Variants in MDGA2 observed in about 807,000 individuals in gnomAD.
The protein encoded by MDGA2 is MAM domain containing glycosylphosphatidylinositol anchor 2, also known as MAM domain-containing glycosylphosphatidylinositol anchor protein 2.
MDGA2 carries 40 observed loss-of-function variants against 117.8 expected under a neutral mutation model. The observed-to-expected ratio is 0.34, with a 90% CI of 0.26 to 0.44. The LOEUF is 0.44. Ranked by LOEUF, MDGA2 falls within the 20% of genes least tolerant of loss-of-function variation. MDGA2 has a pLI of 1.00. For synonymous variants in MDGA2, 452 were observed against 439.0 expected, an observed-to-expected ratio of 1.03 and a Z score of -0.37; for missense variants, 1,123 against 1,250.6, an observed-to-expected ratio of 0.90 and a Z score of 1.54.
intron 5 of MDGA2, among the ~76,000 whole-genome samples, chr14:47,101,616 G>C (rs1880329786): frequency 1.3e-5 from 2 of 152,182 alleles, no homozygotes; most frequent in Non-Finnish European, 2.9e-5. Flanking sequence ...TGGTGGAATG[G>C]AGGGAGCAGA....
intron 1 of MDGA2, among the ~76,000 whole-genome samples, chr14:47,642,615 T>C (rs994687608): frequency 1.3e-5 from 2 of 151,970 alleles, no homozygotes; most frequent in Non-Finnish European, 2.9e-5. Context: ...TATATAGAAG[T>C]ACTAGAGTCC....
chr14:47,340,288 T>A (rs995351184), intron 1 of MDGA2, among the ~76,000 whole-genome samples: 1 of 152,080 alleles, frequency 6.6e-6, no homozygotes, highest in Non-Finnish European at 1.5e-5. Flanking sequence ...ATAAACCAAT[T>A]TATAAATAGA....
intron 8 of MDGA2, among the ~76,000 whole-genome samples, chr14:47,023,657 G>A (rs1020991860): frequency 6.6e-6 from 1 of 152,168 alleles, no homozygotes; most frequent in Admixed American, 6.5e-5. Flanking sequence ...TGATAATAGA[G>A]AGGAGAGGAA....
chr14:47,138,021 T>G (rs1193512434), intron 4 of MDGA2, among the ~76,000 whole-genome samples: 1 of 152,076 alleles, frequency 6.6e-6, no homozygotes, highest in Non-Finnish European at 1.5e-5. Flanking sequence ...TTATGGAAAA[T>G]TTTGAGCCTT....
intron 1 of MDGA2, among the ~76,000 whole-genome samples, chr14:47,501,292 AAG>A (rs1344407228): frequency 6.6e-6 from 1 of 152,186 alleles, no homozygotes; most frequent in Non-Finnish European, 1.5e-5. Context: ...ATTTCTAAAA[AAG>A]AGGATGAGAT....
chr14:47,182,841 T>G (rs536275106), intron 3 of MDGA2, among the ~76,000 whole-genome samples: 2 of 152,322 alleles, frequency 1.3e-5, no homozygotes, highest in African/African-American at 4.8e-5. Context: ...ACTGCTTTTT[T>G]GGGTTTTTTT....
chr14:47,127,060 G>T (rs1420512314), intron 5 of MDGA2, among the ~76,000 whole-genome samples: 1 of 152,074 alleles, frequency 6.6e-6, no homozygotes. Flanking sequence ...AGTAAAGTAA[G>T]ACTTTTATAA....
rs1038182498 is a variant in MDGA2, at chr14:47,209,758, T to C, written c.595+8263A>G. Among the ~76,000 whole-genome samples the C allele has an allele frequency of 3.9e-5, 6 of 152,114 alleles. No individual in the cohort carries two copies. The South Asian group carries it at 8.3e-4, about 21-fold the overall frequency. ...CTCTTCATCGGTATAATTCAGAAAA[T>C]TGCAAAATCCTGTCTCAAATTTTAT... On this transcript the variant is annotated intron_variant, in intron 3 of 16. Transcript: ENST00000399232.
At chr14:47,550,944 C>G (rs1895568895) in intron 1 of MDGA2, among the ~76,000 whole-genome samples, 1 of 152,112 alleles carries the variant, frequency 6.6e-6, no homozygotes. Flanking sequence ...CAAGTTGCGG[C>G]CACCAGGCTG....
intron 1 of MDGA2, among the ~76,000 whole-genome samples, chr14:47,433,941 G>A (rs1363252060): frequency 6.6e-6 from 1 of 151,864 alleles, no homozygotes; most frequent in Non-Finnish European, 1.5e-5. Context: ...TTAATCATGT[G>A]GTGGACATAT....
chr14:47,289,382 T>C (rs186435768), intron 2 of MDGA2, among the ~76,000 whole-genome samples: 31 of 150,232 alleles, frequency 2.1e-4, no homozygotes, highest in African/African-American at 7.6e-4. Flanking sequence ...TACAGACTCA[T>C]ATACTAGATC....
chr14:47,045,104 G>T (rs957602378), intron 7 of MDGA2, among the ~76,000 whole-genome samples: 2 of 152,110 alleles, frequency 1.3e-5, no homozygotes, highest in African/African-American at 2.4e-5. Flanking sequence ...AGTGTAAGAT[G>T]AAAGAACAAA....
chr14:47,554,275 T>A (rs576562477), intron 1 of MDGA2, among the ~76,000 whole-genome samples: 1 of 152,340 alleles, frequency 6.6e-6, no homozygotes, highest in East Asian at 1.9e-4. Flanking sequence ...AGCAAATATA[T>A]GGATATGAAT....
chr14:47,139,488 A>T (rs1324402404), intron 4 of MDGA2, among the ~76,000 whole-genome samples: 1 of 151,776 alleles, frequency 6.6e-6, no homozygotes, highest in African/African-American at 2.4e-5. Context: ...TTGCCTAGTG[A>T]CCTCTGTGTC....
At chr14:47,035,548 T>C (rs1415848506) in intron 7 of MDGA2, among the ~76,000 whole-genome samples, 1 of 152,130 alleles carries the variant, frequency 6.6e-6, no homozygotes, top group African/African-American at 2.4e-5. Flanking sequence ...AATTGAAAAA[T>C]GGTTAATATA....
rs1481074805 is a variant in MDGA2 at position 47,492,958 on chromosome 14, T to G, written c.280+181559A>C. Among the ~76,000 whole-genome samples the G allele has an allele frequency of 3.3e-5, 5 of 152,146 alleles. No homozygotes were observed. In the East Asian group the frequency reaches 9.6e-4, roughly 29 times the overall value. On this transcript the variant is annotated intron_variant, in intron 1 of 16. Transcript: ENST00000399232. ...TTACATGCATCTAGGGAAATTTTGT[T>G]TCATTTTATTATTTTCTCTAATGCT... is the stretch of plus-strand genomic sequence containing the variant.
Position 47,624,354 on chromosome 14 carries a change from A to C in MDGA2, c.280+50163T>G, listed in dbSNP as rs151236973. On this transcript the variant is annotated intron_variant, in intron 1 of 16. Transcript: ENST00000399232. ...CCATCTGTAATCCCAGCTATTCAGG[A>C]GGCTGAGGCAGGACAATCGTTTGAA... Among the ~76,000 whole-genome samples the C allele has an allele frequency of 7.2e-3, 1,090 of 152,290 alleles. 6 individuals are homozygous for C. The highest frequency in any genetic ancestry group is 0.034 in the Middle Eastern group (10 of 294).
chr14:46,896,186 C>T (rs573993930), intron 10 of MDGA2, among the ~76,000 whole-genome samples: 2 of 152,202 alleles, frequency 1.3e-5, no homozygotes, highest in South Asian at 4.1e-4. Flanking sequence ...AGACTTTACA[C>T]AGTAGAGAAT....
At chr14:47,429,547 A>G (rs531843636) in intron 1 of MDGA2, among the ~76,000 whole-genome samples, 39 of 152,234 alleles carry the variant, frequency 2.6e-4, no homozygotes, top group Non-Finnish European at 4.7e-4. Flanking sequence ...ATCCATCATC[A>G]TCTGCATCTC....
Sources: gnomAD v4.1 joint callset for allele counts (sites outside exome capture counted in the v4.1 genomes callset) on GRCh38, gnomAD v4.1.1 for gene constraint, MANE v1.5 for transcripts, NCBI Gene and HGNC (gene_info 2026-07-23, HGNC 2026-07-21) for gene names.